The following AKAP4 variants were observed in gnomAD, a reference collection of about 807,000 sequenced individuals.
AKAP4 encodes the protein A-kinase anchoring protein 4, also known as A-kinase anchor protein 4.
Under a neutral mutation model 42.6 loss-of-function variants are expected in AKAP4, and 4 were observed. The ratio of observed to expected loss-of-function variants is 0.09; its 90% CI spans 0.05 to 0.22. The LOEUF is 0.22. AKAP4 is among the 10% of genes least tolerant of loss of function. The pLI is 1.00. For synonymous variants in AKAP4, 223 were observed against 233.0 expected (o/e 0.96, Z 0.39); for missense variants, 551 against 630.7 (o/e 0.87, Z 1.35).
rs782584131 is a variant in AKAP4 at position 50,194,118 on chromosome X, G to A, written c.595C>T (p.Pro199Ser). ...GAAATGACTGCTCTCTGAGTGCTAG[G>A]AGGTTTGGCTGGAGGAGCTGAAGGA... is the stretch of plus-strand genomic sequence containing the variant. ...QSPSAPPAKP[P>S]STQRAVISPD... Residue 199 changes from proline (P) to serine (S), a missense_variant, in exon 5 of 6, where the codon CCT (proline) becomes TCT (serine). By Grantham distance (74) the Pro-to-Ser change is moderately conservative. Transcript: ENST00000358526. The A allele has an allele frequency of 4.4e-5, 53 of 1,210,080 alleles. No individual in the cohort carries two copies. Among genetic ancestry groups the A allele is most frequent in the Non-Finnish European group, 5.8e-5 (52 of 895,263 alleles).
chrX:50,194,187 G>A lies in AKAP4; in HGVS notation c.526C>T (p.Arg176Cys), dbSNP rs782072348. Residue 176 changes from arginine (R) to cysteine (C), a missense_variant, in exon 5 of 6, where the codon CGT becomes TGT. Transcript: ENST00000358526. ...DYLMNRPQNL[R>C]LEMTAAKNTN... ...TTTTTAGCTGCTGTCATTTCTAGAC[G>A]TAGGTTTTGAGGTCTGTTCATCAAA... 1.4e-5 allele frequency: 17 copies of A among 1,209,612 alleles called. No individual in the cohort carries two copies. Among genetic ancestry groups the A allele is most frequent in the African/African-American group, 3.5e-5 (2 of 57,053 alleles).
Position 50,198,727 on chromosome X carries a change from C to A in AKAP4, c.53G>T (p.Arg18Leu). The change falls in exon 2 of 6, where the codon CGC becomes CTC. Residue 18 changes from arginine (R) to leucine (L), a missense_variant. By Grantham distance (102) the Arg-to-Leu change is moderately radical. Coordinates refer to ENST00000358526, the MANE Select transcript of AKAP4 (RefSeq NM_003886.3). ...TACCTTGCACACACCCCTGTGGCTG[C>A]GTAACCAGTCAATATCATCAGACAT... is the stretch of plus-strand genomic sequence containing the variant. Reference protein sequence around the residue: ...TMMSDDIDWLRSHRGVCKVDL... With the variant: ...TMMSDDIDWLLSHRGVCKVDL... 1.7e-6 allele frequency: 2 copies of A among 1,205,817 alleles called. No homozygotes were observed. The highest frequency in any genetic ancestry group is 2.2e-6 in the Non-Finnish European group (2 of 891,571).
In AKAP4 at chrX:50,191,062, A is replaced by G; in HGVS notation, c.2463T>C (p.Leu821=). 2 of 1,211,226 alleles carry G rather than the reference A, an allele frequency of 1.7e-6. No homozygotes were observed. The highest frequency in any genetic ancestry group is 2.2e-6 in the Non-Finnish European group (2 of 895,204). ...AAEKGYSVGG[L]LQEVMKFAKE... is the part of the protein sequence containing the mutation. Reference sequence around the variant, plus strand: ...TGGCAAACTTCATGACCTCTTGAAGAAGACCTCCTACACTGTACCCCTTCT... The same window carrying G: ...TGGCAAACTTCATGACCTCTTGAAGGAGACCTCCTACACTGTACCCCTTCT... The change falls in exon 6 of 6, where the codon CTT becomes CTC. Residue 821 remains leucine, a synonymous_variant. Transcript: ENST00000358526.
chrX:50,192,633 C>T lies in AKAP4; in HGVS notation c.2080G>A (p.Gly694Arg), dbSNP rs1350353286. Residue 694 changes from glycine (G) to arginine (R), a missense_variant, in exon 5 of 6, where the codon GGG becomes AGG. Physicochemically the swap from Gly to Arg is moderately radical, Grantham distance 125 (BLOSUM62 -2). Coordinates refer to ENST00000358526, the MANE Select transcript of AKAP4 (RefSeq NM_003886.3). ...DCTSGMKQAN[G>R]QFIDKLVESV... is the part of the protein sequence containing the mutation. ...TCTACTAGTTTATCTATAAATTGCC[C>T]GTTCGCTTGCTTCATCCCACTGGTA... 4.1e-6 allele frequency: 5 copies of T among 1,209,480 alleles called. No homozygotes were observed. The highest frequency in any genetic ancestry group is 5.6e-6 in the Non-Finnish European group (5 of 895,244).
chrX:50,192,182 T>A (rs1935120875), intron 5 of AKAP4, 122 bp downstream of exon 5: 6 of 652,791 alleles, frequency 9.2e-6, no homozygotes, highest in Non-Finnish European at 1.3e-5. Context: ...GTGAAAGTAA[T>A]TCATGAAGCA....
rs782105989 is a variant in AKAP4, at chrX:50,200,870, G to C, written c.20C>G (p.Thr7Ser). The change falls in exon 1 of 6, where the codon ACT becomes AGT. Residue 7 changes from threonine to serine, a missense_variant. Coordinates refer to ENST00000358526, the MANE Select transcript of AKAP4 (RefSeq NM_003886.3). Reference sequence around the variant, plus strand: ...GAAGTCAGATGTCCCTACCATTGTAGTATCAGAGTACGCCATCATGTAGGA... The same window carrying C: ...GAAGTCAGATGTCCCTACCATTGTACTATCAGAGTACGCCATCATGTAGGA... The part of the protein sequence containing the change: MMAYSD[T>S]TMMSDDIDWL... The C allele has an allele frequency of 8.3e-7, 1 of 1,206,340 alleles. No homozygotes were observed. The highest frequency in any genetic ancestry group is 1.1e-6 in the Non-Finnish European group (1 of 892,467).
intron 1 of AKAP4, chrX:50,200,178 C>G (rs1935245503): frequency 8.0e-6 from 6 of 746,344 alleles, no homozygotes; most frequent in Non-Finnish European, 9.5e-6. Context: ...CAGAAACAGC[C>G]TAAGTCCAAG....
At position 50,190,812 on chromosome X, in the gene AKAP4, G is replaced by T; in HGVS notation, c.*148C>A. ...TTTTTATTTTATTTCCCAGTTTGTT[G>T]ACACCTCTTACATTCACAGGCAACT... On this transcript the variant is annotated 3_prime_UTR_variant, in exon 6 of 6. Coordinates refer to ENST00000358526, the MANE Select transcript of AKAP4 (RefSeq NM_003886.3). 1 of 529,010 alleles carries T rather than the reference G, an allele frequency of 1.9e-6. No homozygotes were observed. Among genetic ancestry groups the T allele is most frequent in the Non-Finnish European group, 2.9e-6 (1 of 347,783 alleles). The allele number at this position is 529,010 out of a possible 1,213,427, so 43.6% of individuals were successfully genotyped here.
At chrX:50,196,285 C>T (rs1935191062) in intron 4 of AKAP4, among the ~76,000 whole-genome samples, 1 of 111,505 alleles carries the variant, frequency 9.0e-6, no homozygotes, top group Non-Finnish European at 1.9e-5. Flanking sequence ...GTCAAATATC[C>T]TGCCCTATTA....
At position 50,194,276 on chromosome X, in the gene AKAP4, T is replaced by A; in HGVS notation, c.437A>T (p.Glu146Val). 8.3e-7 allele frequency: 1 copy of A among 1,210,155 alleles called. No individual in the cohort carries two copies. Among genetic ancestry groups the A allele is most frequent in the Non-Finnish European group, 1.1e-6 (1 of 895,042 alleles). ...GTTCTCAGAGGATGCTCTGTGATAT[T>A]CGCCCTCTGTGTCTCCTACTTTATG... ...CKHKVGDTEG[E>V]YHRASSENCY... Residue 146 changes from glutamate to valine, a missense_variant, in exon 5 of 6, where the codon GAA becomes GTA. Physicochemically the swap from Glu to Val is moderately radical, Grantham distance 121. Transcript: ENST00000358526.
In AKAP4 at chrX:50,193,194, T is replaced by C; in HGVS notation, c.1519A>G (p.Ile507Val). ...GAGTTTCCTTGCTTTTGGTTCCAGA[T>C]GGTTAGGCCCTCTTTGAGAATGTGT... ...GEHILKEGLTIWNQKQGNSCK... is the reference protein window; with the variant it reads ...GEHILKEGLTVWNQKQGNSCK... The change falls in exon 5 of 6, where the codon ATC becomes GTC. Residue 507 changes from isoleucine to valine, a missense_variant. Ile to Val is a conservative substitution (Grantham distance 29). Coordinates refer to ENST00000358526, the MANE Select transcript of AKAP4 (RefSeq NM_003886.3). 8.3e-7 allele frequency: 1 copy of C among 1,212,017 alleles called. No individual in the cohort carries two copies. The highest frequency in any genetic ancestry group is 3.0e-5 in the East Asian group (1 of 33,849).
chrX:50,197,647 AT>A (rs1935209108), intron 2 of AKAP4, 53 bp from the exon 3 acceptor site: 1 of 1,070,001 alleles, frequency 9.3e-7, no homozygotes, highest in East Asian at 3.0e-5. Context: ...AAGGGGCATA[AT>A]TTCTCTTTCT....
chrX:50,200,868 T>C lies in AKAP4; in HGVS notation c.22A>G (p.Thr8Ala). Residue 8 changes from threonine (T) to alanine (A), a missense_variant, in exon 1 of 6, where the codon ACA becomes GCA. Transcript: ENST00000358526. MMAYSDT[T>A]MMSDDIDWLR... The stretch of plus-strand genomic sequence containing the variant: ...AAGAAGTCAGATGTCCCTACCATTG[T>C]AGTATCAGAGTACGCCATCATGTAG... The C allele has an allele frequency of 1.7e-6, 2 of 1,208,839 alleles. No homozygotes were observed. Among genetic ancestry groups the C allele is most frequent in the Non-Finnish European group, 2.2e-6 (2 of 893,146 alleles).
chrX:50,191,097 T>C lies in AKAP4; in HGVS notation c.2428A>G (p.Lys810Glu), dbSNP rs1935102723. Residue 810 changes from lysine to glutamate, a missense_variant, in exon 6 of 6, where the codon AAA (lysine) becomes GAA (glutamate). Physicochemically the swap from Lys to Glu is moderately conservative, Grantham distance 56. Transcript: ENST00000358526. ...ACACTGTACCCCTTCTCTGCTGCTT[T>C]AGCTGAAACCTGAGGAAGCTGTGGG... Reference protein sequence around the residue: ...QLEKLPQVSAKAAEKGYSVGG... With the variant: ...QLEKLPQVSAEAAEKGYSVGG... 2 of 1,208,259 alleles carry C rather than the reference T, an allele frequency of 1.7e-6. No homozygotes were observed. The highest frequency in any genetic ancestry group is 5.9e-5 in the East Asian group (2 of 33,683).
chrX:50,199,685 CAA>C (rs1935235278), intron 1 of AKAP4, among the ~76,000 whole-genome samples: 1 of 108,559 alleles, frequency 9.2e-6, no homozygotes, highest in African/African-American at 3.4e-5. Flanking sequence ...TAAATTTTAA[CAA>C]GAGAAATCCT....
intron 4 of AKAP4, 143 bp downstream of exon 4, chrX:50,196,748 C>T: frequency 2.3e-6 from 1 of 442,720 alleles, no homozygotes. Flanking sequence ...TGAACTTACG[C>T]CTGTGTTCTC....
rs890413435 is a variant in AKAP4, at chrX:50,193,801, G to A, written c.912C>T (p.Ser304=). ...CACTTTTGCTCTTGTTGGATAATTC[G>A]CTATATAGAAAGCTTTTCTGGCCAC... is the stretch of plus-strand genomic sequence containing the variant. ...REGGQKSFLY[S]ELSNKSKSGD... Residue 304 remains serine, a synonymous_variant, in exon 5 of 6, where the codon AGC becomes AGT. Transcript: ENST00000358526. The A allele has an allele frequency of 5.8e-6, 7 of 1,208,724 alleles. No individual in the cohort carries two copies. The African/African-American group carries it at 1.2e-4, about 21-fold the overall frequency.
intron 4 of AKAP4, among the ~76,000 whole-genome samples, chrX:50,196,357 A>C (rs781797831): frequency 8.9e-6 from 1 of 111,953 alleles, no homozygotes; most frequent in Non-Finnish European, 1.9e-5. Flanking sequence ...GTGCCCTCCC[A>C]AAACCAGGAC....
rs1306810220 is a variant in AKAP4 at position 50,193,264 on chromosome X, T to C, written c.1449A>G (p.Lys483=). ...EMKERDKGKM[K]SDPCKSLTSA... is the part of the protein sequence containing the mutation. ...TAGTCAGTGACTTGCATGGGTCTGA[T>C]TTCATTTTGCCTTTGTCCCTCTCTT... Residue 483 remains lysine, a synonymous_variant, in exon 5 of 6, where the codon AAA becomes AAG. Transcript: ENST00000358526. 2 of 1,211,753 alleles carry C rather than the reference T, an allele frequency of 1.7e-6. No homozygotes were observed. The highest frequency in any genetic ancestry group is 3.5e-5 in the African/African-American group (2 of 57,838).
Sources: gnomAD v4.1 joint callset for allele counts (sites outside exome capture counted in the v4.1 genomes callset) on GRCh38, gnomAD v4.1.1 for gene constraint, MANE v1.5 for transcripts, NCBI Gene and HGNC (gene_info 2026-07-23, HGNC 2026-07-21) for gene names.